NCOR1: variants seen among roughly 807,000 people sequenced by gnomAD.
NCOR1 encodes nuclear receptor corepressor 1.
Under a neutral mutation model 288.1 loss-of-function variants are expected in NCOR1, and 63 were observed. That is an observed-to-expected ratio of 0.22 (90% CI 0.18 to 0.27). The LOEUF is 0.27. Ranked by LOEUF, NCOR1 falls within the 10% of genes least tolerant of loss-of-function variation. NCOR1 has a pLI of 1.00. For synonymous variants in NCOR1, 1,007 were observed against 1,065.9 expected, an observed-to-expected ratio of 0.94 and a Z score of 1.08; for missense variants, 2,397 against 3,019.2, an observed-to-expected ratio of 0.79 and a Z score of 4.83.
intron 44 of NCOR1, among the ~76,000 whole-genome samples, chr17:16,035,321 CTTT>C (rs912290232): frequency 3.3e-5 from 5 of 152,120 alleles, no homozygotes; most frequent in Non-Finnish European, 5.9e-5. Flanking sequence ...TCAAACCCTT[CTTT>C]ATTAACTGGG....
At chr17:16,040,547 A>C in intron 42 of NCOR1, 53 bp from the exon 43 acceptor site, 1 of 1,471,902 alleles carries the variant, frequency 6.8e-7, no homozygotes, top group Non-Finnish European at 9.4e-7. Flanking sequence ...CATATATACC[A>C]AACTAAAGTC....
chr17:16,106,990 T>C (rs1450229171), intron 19 of NCOR1, among the ~76,000 whole-genome samples: 1 of 144,616 alleles, frequency 6.9e-6, no homozygotes, highest in Non-Finnish European at 1.5e-5. Context: ...CCTCCCAGGT[T>C]CACACCATTC....
In NCOR1 at chr17:16,055,294, A is replaced by G. The variant is rs572624659; in HGVS notation, c.6392+2220T>C. Among the ~76,000 whole-genome samples the G allele has an allele frequency of 5.4e-4, 83 of 152,356 alleles. 1 individual carries two copies. The highest frequency in any genetic ancestry group is 1.8e-3 in the African/African-American group (75 of 41,584). ...CAACCCAAATGCCCATCAGTGATTG[A>G]CTGGATAAAGACAATGTGGTACATA... On this transcript the variant is annotated intron_variant, in intron 40 of 45. Coordinates refer to ENST00000268712, the MANE Select transcript of NCOR1 (RefSeq NM_006311.4).
intron 22 of NCOR1, among the ~76,000 whole-genome samples, chr17:16,089,311 A>C (rs1003364970): frequency 5.9e-5 from 9 of 152,134 alleles, no homozygotes; most frequent in African/African-American, 1.9e-4. Flanking sequence ...TTTGCATTAG[A>C]AGTTCAATTC....
rs142843487 is a variant in NCOR1, at chr17:16,085,084, C to T, written c.3177+1198G>A. ...TTTCAACCATAATAAAGATCTACAA[C>T]ACAGTATCAAAAAGACCCAGTAGAA... On this transcript the variant is annotated intron_variant, in intron 23 of 45. Transcript: ENST00000268712. 6.6e-3 allele frequency among the ~76,000 whole-genome samples: 1,004 copies of T among 152,196 alleles called. 12 individuals carry two copies. The highest frequency in any genetic ancestry group is 0.023 in the African/African-American group (962 of 41,528).
At chr17:16,130,758 A>G (rs1179544080) in intron 14 of NCOR1, among the ~76,000 whole-genome samples, 1 of 152,128 alleles carries the variant, frequency 6.6e-6, no homozygotes, top group Admixed American at 6.6e-5. Context: ...ATCTTGGCTC[A>G]CTGCAACCTA....
chr17:16,171,006 T>C (rs1159610017), intron 4 of NCOR1, among the ~76,000 whole-genome samples: 2 of 152,058 alleles, frequency 1.3e-5, no homozygotes, highest in African/African-American at 4.8e-5. Flanking sequence ...ATATTAAAAC[T>C]TATCTTTGTA....
At chr17:16,134,953 A>G (rs2076172706) in intron 14 of NCOR1, among the ~76,000 whole-genome samples, 1 of 152,042 alleles carries the variant, frequency 6.6e-6, no homozygotes, top group African/African-American at 2.4e-5. Context: ...AGGTCAGGAG[A>G]TCGAGACCAT....
intron 32 of NCOR1, 51 bp from the exon 33 acceptor site, chr17:16,065,745 C>T (rs1259985205): frequency 6.5e-7 from 1 of 1,540,130 alleles, no homozygotes; most frequent in South Asian, 1.1e-5. Context: ...GGCTGAAATA[C>T]ATTTGCTAAA....
chr17:16,057,989 T>G lies in NCOR1; in HGVS notation c.6086A>C (p.Gln2029Pro). The change falls in exon 39 of 46, where the codon CAG (glutamine) becomes CCG (proline). Residue 2029 changes from glutamine (Q) to proline (P), a missense_variant. Around this residue, in one of 11 missense-constraint regions of NCOR1, gnomAD observed 1,872 missense variants for 2,187.8 expected, o/e 0.86. Coordinates refer to ENST00000268712, the MANE Select transcript of NCOR1 (RefSeq NM_006311.4). Reference protein sequence around the residue: ...PQQESPSPQQQLPPSSQAEGM... With the variant: ...PQQESPSPQQPLPPSSQAEGM... The stretch of plus-strand genomic sequence containing the variant: ...CTCTGCCTGTGAAGAAGGGGGCAGC[T>G]GTTGTTGGGGAGATGGTGATTCCTG... 1 of 1,614,168 alleles carries G rather than the reference T, an allele frequency of 6.2e-7. No individual in the cohort carries two copies. The highest frequency in any genetic ancestry group is 1.1e-5 in the South Asian group (1 of 91,084).
chr17:16,101,740 TG>T lies in NCOR1; in HGVS notation c.2199del (p.Ser734AlafsTer34). On this transcript the variant is annotated frameshift_variant, in exon 20 of 46. Coordinates refer to ENST00000268712, the MANE Select transcript of NCOR1 (RefSeq NM_006311.4). LOFTEE classifies it high-confidence loss of function. ...GTAGCATTTTCAGGACTGTCCTCGC[TG>T]GGCTTGACAGCTTCAACTGGTGAAG... ...PEDSEVEAVK[P>X]SEDSPENATS... 1 of 1,614,224 alleles carries T rather than the reference TG, an allele frequency of 6.2e-7. No individual in the cohort carries two copies. The highest frequency in any genetic ancestry group is 1.1e-5 in the South Asian group (1 of 91,088).
At chr17:16,124,454 C>G (rs2073635174) in intron 15 of NCOR1, among the ~76,000 whole-genome samples, 1 of 152,202 alleles carries the variant, frequency 6.6e-6, no homozygotes. Flanking sequence ...TGGAAACATT[C>G]TACATCACAA....
At chr17:16,161,325 T>C (rs1416054756) in intron 5 of NCOR1, among the ~76,000 whole-genome samples, 1 of 151,962 alleles carries the variant, frequency 6.6e-6, no homozygotes, top group Non-Finnish European at 1.5e-5. Flanking sequence ...GTCTCACTCT[T>C]TTTGCCCAGG....
At chr17:16,168,925 C>T (rs2082575381) in intron 4 of NCOR1, among the ~76,000 whole-genome samples, 1 of 150,850 alleles carries the variant, frequency 6.6e-6, no homozygotes. Flanking sequence ...GATCACACCA[C>T]TGCACTCCAG....
Position 16,073,573 on chromosome 17 carries a change from C to G in NCOR1, c.3671-4G>C. 1 of 1,595,624 alleles carries G rather than the reference C, an allele frequency of 6.3e-7. No individual in the cohort carries two copies. Among genetic ancestry groups the G allele is most frequent in the Non-Finnish European group, 8.5e-7 (1 of 1,172,160 alleles). ...CCTTCTCGGGCATTCTTAATATCTACAGAATACACAAACAAGACTTGCTCA... is the reference window on the plus strand; with the variant it reads ...CCTTCTCGGGCATTCTTAATATCTAGAGAATACACAAACAAGACTTGCTCA... On this transcript the variant is annotated splice_region_variant and splice_polypyrimidine_tract_variant and intron_variant, in intron 27 of 45. Transcript: ENST00000268712.
rs540334363 is a variant in NCOR1, at chr17:16,111,870, ATT to A, written c.2056-2960_2056-2959del. Among the ~76,000 whole-genome samples the A allele has an allele frequency of 1.4e-3, 178 of 129,994 alleles. 1 individual carries two copies. Among genetic ancestry groups the A allele is most frequent in the African/African-American group, 5.9e-3 (170 of 29,022 alleles). The allele number at this position is 129,994 out of a possible 152,430, so 85.3% of individuals were successfully genotyped here. A position where few individuals can be genotyped will look rare whatever the true frequency, so the allele number is the denominator to read the frequency against. On this transcript the variant is annotated intron_variant, in intron 18 of 45. Transcript: ENST00000268712. ...TAATATAACATACATTTATTTATTTATTTTTATTTTTATTTTTCAGACGGAGT... is the reference window on the plus strand; with the variant it reads ...TAATATAACATACATTTATTTATTTATTTATTTTTATTTTTCAGACGGAGT...
In NCOR1 at chr17:16,101,716, T is replaced by C. The variant is rs150909544; in HGVS notation, c.2224A>G (p.Thr742Ala). The C allele has an allele frequency of 5.8e-5, 93 of 1,614,176 alleles. No individual in the cohort carries two copies. The African/African-American group carries it at 8.4e-4, about 15-fold the overall frequency. Residue 742 changes from threonine (T) to alanine (A), a missense_variant, in exon 20 of 46, where the codon ACT becomes GCT. Thr to Ala is a moderately conservative substitution (Grantham distance 58, BLOSUM62 0). Around this residue, in one of 11 missense-constraint regions of NCOR1, gnomAD observed 1,872 missense variants for 2,187.8 expected, o/e 0.86. Transcript: ENST00000268712. ...GCAGGTTCTGTGTTTCCTCGAGAAGTAGCATTTTCAGGACTGTCCTCGCTG... is the reference window on the plus strand; with the variant it reads ...GCAGGTTCTGTGTTTCCTCGAGAAGCAGCATTTTCAGGACTGTCCTCGCTG... ...KPSEDSPENA[T>A]SRGNTEPAVE... is the part of the protein sequence containing the mutation.
At chr17:16,063,703 A>G (rs2060794318) in intron 35 of NCOR1, among the ~76,000 whole-genome samples, 1 of 152,128 alleles carries the variant, frequency 6.6e-6, no homozygotes, top group Non-Finnish European at 1.5e-5. Context: ...ACAAGCTGCT[A>G]ACTGTATTTT....
rs982362919 is a variant in NCOR1, at chr17:16,186,215, G to C, written c.242+339C>G. Among the ~76,000 whole-genome samples, 3 of 152,248 alleles carry C rather than the reference G, an allele frequency of 2.0e-5. No individual in the cohort carries two copies. The East Asian group carries it at 5.8e-4, about 29-fold the overall frequency. ...AAACTTCGGCGATAAAATAAAGCCT[G>C]GGCCCAACTCCAGAGATTGATTTAA... On this transcript the variant is annotated intron_variant, in intron 3 of 45. Transcript: ENST00000268712.
Sources: allele counts gnomAD v4.1 joint callset (sites outside exome capture counted in the v4.1 genomes callset), GRCh38; gene constraint gnomAD v4.1.1; regional missense constraint gnomAD v4.1.1; transcripts MANE v1.5; gene names NCBI Gene and HGNC (gene_info 2026-07-23, HGNC 2026-07-21).